The following ESPNL variants were observed in gnomAD, a reference collection of about 807,000 sequenced individuals.
ESPNL encodes the protein espin like, also known as espin-like protein.
A neutral mutation model predicts 46.8 loss-of-function variants in ESPNL; 49 were observed. That is an observed-to-expected ratio of 1.05 (90% CI 0.83 to 1.33). The LOEUF (loss-of-function observed/expected upper bound fraction) is 1.33. Ranked by LOEUF, ESPNL falls within the 40% of genes most tolerant of loss-of-function variation. The pLI is 0.00. For missense variants in ESPNL, 1,540 were observed against 1,436.6 expected (o/e 1.07, Z -1.16); for synonymous variants, 664 against 662.1 (o/e 1.00, Z -0.04).
At chr2:238,108,007 T>A (rs1306837547) in intron 4 of ESPNL, 34 bp downstream of exon 4, 3 of 1,580,028 alleles carry the variant, frequency 1.9e-6, no homozygotes, top group Non-Finnish European at 2.6e-6. Context: ...GGGTGAGCAG[T>A]CACAAGTGCC....
In ESPNL at chr2:238,130,889, G is replaced by A. The variant is rs115923307; in HGVS notation, c.2175G>A (p.Ala725=). 3,961 of 1,547,506 alleles carry A rather than the reference G, an allele frequency of 2.6e-3. 76 individuals carry two copies. In the African/African-American group the frequency reaches 0.045, roughly 18 times the overall value. The change falls in exon 9 of 9, where the codon GCG becomes GCA. Residue 725 remains alanine (A), a synonymous_variant. Coordinates refer to ENST00000343063, the MANE Select transcript of ESPNL (RefSeq NM_194312.4). ...GCTGCGAGGAGGTGCCATCAGAGGC[G>A]GGTGCCGCAGCCGGCCCAGACCTGG... ...GISCEEVPSE[A]GAAAGPDLAS... is the part of the protein sequence containing the mutation.
chr2:238,116,190 C>T (rs184798285), intron 4 of ESPNL, among the ~76,000 whole-genome samples: 4 of 152,242 alleles, frequency 2.6e-5, no homozygotes, highest in African/African-American at 4.8e-5. Context: ...GGTCCCCCGT[C>T]CCTCTTCCAA....
intron 8 of ESPNL, among the ~76,000 whole-genome samples, chr2:238,129,686 C>G (rs1027249016): frequency 4.3e-4 from 66 of 152,266 alleles, no homozygotes; most frequent in African/African-American, 1.5e-3. Context: ...TCTGTGCCCC[C>G]GGCCCAGCGC....
At chr2:238,108,209 A>G (rs1691641665) in intron 4 of ESPNL, among the ~76,000 whole-genome samples, 2 of 151,712 alleles carry the variant, frequency 1.3e-5, no homozygotes, top group Admixed American at 1.3e-4. Context: ...TTCGCGCAGA[A>G]ACTCCCTCGT....
In ESPNL at chr2:238,100,727, G is replaced by C. The variant is rs1466767602; in HGVS notation, c.294+14G>C. ...TGCGGTCTGCAGGTGAGCGGGGATGGGGCAGCCTGGCTCCACGAAGCTGGC... is the reference window on the plus strand; with the variant it reads ...TGCGGTCTGCAGGTGAGCGGGGATGCGGCAGCCTGGCTCCACGAAGCTGGC... On this transcript the variant is annotated intron_variant, in intron 1 of 8. Transcript: ENST00000343063. 2.1e-6 allele frequency: 3 copies of C among 1,408,174 alleles called. No individual in the cohort carries two copies. Among genetic ancestry groups the C allele is most frequent in the Non-Finnish European group, 2.7e-6 (3 of 1,091,314 alleles). The allele number at this position is 1,408,174 out of a possible 1,614,324, so 87.2% of individuals were successfully genotyped here.
At chr2:238,122,222 C>A (rs981391952) in intron 5 of ESPNL, among the ~76,000 whole-genome samples, 11 of 152,244 alleles carry the variant, frequency 7.2e-5, no homozygotes, top group Non-Finnish European at 1.3e-4. Context: ...ATCCCTGAGG[C>A]TCCATCGTGT....
intron 6 of ESPNL, among the ~76,000 whole-genome samples, chr2:238,126,893 TTGTG>T (rs368221689): frequency 1.4e-5 from 2 of 141,312 alleles, no homozygotes; most frequent in African/African-American, 2.7e-5. Flanking sequence ...GTCTGTGTGA[TTGTG>T]TGATTGTGTG....
chr2:238,130,094 C>T, intron 8 of ESPNL, 34 bp from the exon 9 acceptor site: 1 of 1,583,622 alleles, frequency 6.3e-7, no homozygotes, highest in African/African-American at 1.3e-5. Context: ...GGTGGGTGGG[C>T]TCACCCTGCT....
intron 5 of ESPNL, among the ~76,000 whole-genome samples, chr2:238,120,137 G>A (rs911031865): frequency 2.0e-5 from 3 of 152,222 alleles, no homozygotes; most frequent in East Asian, 1.9e-4. Context: ...GCAGAAGGCT[G>A]TCTTTCTGGC....
At chr2:238,123,793 C>T (rs774490502) in intron 5 of ESPNL, among the ~76,000 whole-genome samples, 1 of 152,198 alleles carries the variant, frequency 6.6e-6, no homozygotes, top group Non-Finnish European at 1.5e-5. Flanking sequence ...GGTTCCTGGG[C>T]TGTGGGCACA....
intron 1 of ESPNL, among the ~76,000 whole-genome samples, chr2:238,101,107 G>C (rs997347988): frequency 6.6e-6 from 1 of 152,184 alleles, no homozygotes; most frequent in Non-Finnish European, 1.5e-5. Context: ...CTGGGGGACG[G>C]GAGTTAGGGC....
rs73102311 is a variant in ESPNL, at chr2:238,131,702, G to A, written c.2988G>A (p.Lys996=). 0.089 allele frequency: 142,131 copies of A among 1,592,056 alleles called. 6,875 individuals carry two copies. The highest frequency in any genetic ancestry group is 0.13 in the South Asian group (12,021 of 90,290). Residue 996 remains lysine (K), a synonymous_variant, in exon 9 of 9, where the codon AAG becomes AAA. Coordinates refer to ENST00000343063, the MANE Select transcript of ESPNL (RefSeq NM_194312.4). ...GCAGCTTTGCCTTCTGGAAGGAGAA[G>A]GAAGCTGAGATGTTCAACTTTGGAG... ...INRSFAFWKE[K]EAEMFNFGE
Position 238,101,941 on chromosome 2 carries a change from G to A in ESPNL, c.295G>A (p.Asp99Asn). ...LVREGGCGLQ[D>N]QDASGVSPLH... ...CACTGACCTACCCGGGGCTTGGTAG[G>A]ACCAAGATGCCTCGGGCGTCTCCCC... The change falls in exon 2 of 9, where the codon GAC (aspartate) becomes AAC (asparagine). Residue 99 changes from aspartate to asparagine, a missense_variant and splice_region_variant. Asp to Asn is a conservative substitution (Grantham distance 23, BLOSUM62 1). Transcript: ENST00000343063. 1.2e-6 allele frequency: 2 copies of A among 1,606,564 alleles called. No individual in the cohort carries two copies. The highest frequency in any genetic ancestry group is 1.7e-6 in the Non-Finnish European group (2 of 1,178,460).
chr2:238,128,341 A>G (rs1472423073), intron 7 of ESPNL, among the ~76,000 whole-genome samples: 2 of 152,126 alleles, frequency 1.3e-5, no homozygotes, highest in Non-Finnish European at 2.9e-5. Context: ...GCGGCACAGG[A>G]TTGGCTGCCA....
chr2:238,105,595 G>A (rs929012674), intron 3 of ESPNL, among the ~76,000 whole-genome samples: 5 of 151,970 alleles, frequency 3.3e-5, no homozygotes, highest in Admixed American at 6.6e-5. Context: ...GACAGGAGGC[G>A]GCCGGACAAG....
chr2:238,126,760 CTG>C (rs1186548391), intron 6 of ESPNL, among the ~76,000 whole-genome samples: 6 of 147,282 alleles, frequency 4.1e-5, no homozygotes, highest in Non-Finnish European at 6.0e-5. Context: ...GTGATTGTGT[CTG>C]TGTATCTGTG....
chr2:238,108,060 G>C, intron 4 of ESPNL, 87 bp downstream of exon 4: 2 of 1,268,694 alleles, frequency 1.6e-6, no homozygotes, highest in Non-Finnish European at 2.2e-6. Context: ...CAGCAACCCT[G>C]TAAGAGTGAT....
At chr2:238,119,428 GGAGGAGGGGAGGTGGAGGAGAGGAGGTTA>G (rs1691928941) in intron 5 of ESPNL, among the ~76,000 whole-genome samples, 1 of 138,946 alleles carries the variant, frequency 7.2e-6, no homozygotes, top group African/African-American at 2.8e-5. Flanking sequence ...GAGGGTAGAT[GGAGGAGGGGAGGTGGAGGAGAGGAGGTTA>G]GATGAAGGAG....
chr2:238,126,338 ATGTGATTGTGTG>A (rs1430355422), intron 6 of ESPNL, among the ~76,000 whole-genome samples: 1 of 114,630 alleles, frequency 8.7e-6, no homozygotes, highest in Non-Finnish European at 1.8e-5. Flanking sequence ...GTGTGTCTGT[ATGTGATTGTGTG>A]TGTGATTGTG....
Sources: allele counts gnomAD v4.1 joint callset (sites outside exome capture counted in the v4.1 genomes callset), GRCh38; gene constraint gnomAD v4.1.1; transcripts MANE v1.5; gene names NCBI Gene and HGNC (gene_info 2026-07-23, HGNC 2026-07-21).